LINC00305: variants seen among roughly 807,000 people sequenced by gnomAD.
LINC00305 encodes long independently transcribed non-coding RNA 305.
At chr18:64,113,424 C>T (rs560510503) in intron 1 of LINC00305, among the ~76,000 whole-genome samples, 1 of 152,288 alleles carries the variant, frequency 6.6e-6, no homozygotes, top group East Asian at 1.9e-4. Flanking sequence ...TAATTATTTT[C>T]CTTGATTTGA....
At chr18:64,133,410 C>G (rs980786171) in intron 1 of LINC00305, among the ~76,000 whole-genome samples, 2 of 152,190 alleles carry the variant, frequency 1.3e-5, no homozygotes, top group African/African-American at 2.4e-5. Flanking sequence ...GAGAAAGACT[C>G]TACCTCCAGA....
At chr18:64,094,887 T>TAAATAAATAAATAAAAAAA (rs780361977) in intron 3 of LINC00305, among the ~76,000 whole-genome samples, 17 of 114,640 alleles carry the variant, frequency 1.5e-4, no homozygotes, top group Non-Finnish European at 2.5e-4. Context: ...AAATAAATAA[T>TAAATAAATAAATAAAAAAA]AAAATAAAAT....
intron 1 of LINC00305, among the ~76,000 whole-genome samples, chr18:64,126,120 C>G (rs924477491): frequency 2.0e-5 from 3 of 152,032 alleles, no homozygotes; most frequent in Non-Finnish European, 4.4e-5. Context: ...TATTTTGTTA[C>G]CGCAGCACAA....
intron 1 of LINC00305, among the ~76,000 whole-genome samples, chr18:64,116,333 A>G (rs1419187937): frequency 6.6e-6 from 1 of 152,228 alleles, no homozygotes; most frequent in East Asian, 1.9e-4. Flanking sequence ...TCCTCCTAGC[A>G]TGACAAAAAG....
intron 1 of LINC00305, among the ~76,000 whole-genome samples, chr18:64,137,063 T>C (rs565824705): frequency 6.6e-6 from 1 of 152,336 alleles, no homozygotes; most frequent in East Asian, 1.9e-4. Context: ...CAAGTTAAAA[T>C]GCAATCCTAT....
chr18:64,097,788 T>C (rs1310229896), intron 3 of LINC00305: 1 of 443,838 alleles, frequency 2.3e-6, no homozygotes, highest in Non-Finnish European at 4.6e-6. Context: ...AACATTCCTT[T>C]ATAATAACTT....
chr18:64,132,882 T>C (rs1222478260), intron 1 of LINC00305, among the ~76,000 whole-genome samples: 1 of 152,134 alleles, frequency 6.6e-6, no homozygotes, highest in Admixed American at 6.5e-5. Context: ...GGTGACACCA[T>C]CCCAGCATGA....
chr18:64,132,541 T>C (rs1244381510), intron 1 of LINC00305, among the ~76,000 whole-genome samples: 1 of 152,206 alleles, frequency 6.6e-6, no homozygotes, highest in African/African-American at 2.4e-5. Context: ...ATACCATAAT[T>C]GTATTCACCC....
chr18:64,083,848 G>A (rs1446106357), intron 3 of LINC00305, among the ~76,000 whole-genome samples: 2 of 152,134 alleles, frequency 1.3e-5, no homozygotes, highest in Admixed American at 6.5e-5. Flanking sequence ...GATTTGTTAG[G>A]ATTTGTATTT....
At chr18:64,115,458 G>A (rs765654902) in intron 1 of LINC00305, among the ~76,000 whole-genome samples, 2 of 152,148 alleles carry the variant, frequency 1.3e-5, no homozygotes, top group Non-Finnish European at 2.9e-5. Context: ...TGATTTGCAG[G>A]TGCATTTGTG....
At chr18:64,137,148 A>C (rs1028185449) in intron 1 of LINC00305, among the ~76,000 whole-genome samples, 1 of 152,166 alleles carries the variant, frequency 6.6e-6, no homozygotes, top group African/African-American at 2.4e-5. Flanking sequence ...ACACACAGAC[A>C]CAACAAGAGC....
At chr18:64,135,875 G>A (rs775709666) in intron 1 of LINC00305, among the ~76,000 whole-genome samples, 3 of 152,142 alleles carry the variant, frequency 2.0e-5, no homozygotes, top group African/African-American at 7.2e-5. Context: ...CACTGTGCCT[G>A]GCCTATTTTC....
At chr18:64,141,815 A>G (rs2051464965) in intron 1 of LINC00305, among the ~76,000 whole-genome samples, 1 of 152,230 alleles carries the variant, frequency 6.6e-6, no homozygotes, top group South Asian at 2.1e-4. Flanking sequence ...CGCATATGAA[A>G]CAATGTACTT....
At chr18:64,143,599 T>A (rs2051477917) in intron 1 of LINC00305, among the ~76,000 whole-genome samples, 1 of 92,028 alleles carries the variant, frequency 1.1e-5, no homozygotes. Flanking sequence ...TGTACACATA[T>A]GTATATGTAC....
chr18:64,145,268 G>A (rs1251446981), intron 1 of LINC00305, among the ~76,000 whole-genome samples: 1 of 152,152 alleles, frequency 6.6e-6, no homozygotes, highest in East Asian at 1.9e-4. Flanking sequence ...ACCTACAAAT[G>A]TACTGTACTT....
At chr18:64,090,272 G>A (rs1314760402) in intron 3 of LINC00305, among the ~76,000 whole-genome samples, 2 of 152,172 alleles carry the variant, frequency 1.3e-5, no homozygotes, top group Non-Finnish European at 2.9e-5. Context: ...TAGTTGCCAA[G>A]CACAGAATAA....
At chr18:64,081,123 TA>T (rs1248940038) in intron 3 of LINC00305, among the ~76,000 whole-genome samples, 2 of 152,244 alleles carry the variant, frequency 1.3e-5, no homozygotes, top group East Asian at 3.8e-4. Flanking sequence ...TGAGTTGTTT[TA>T]TTTTTTCCTG....
intron 3 of LINC00305, among the ~76,000 whole-genome samples, chr18:64,091,048 C>A (rs2051223002): frequency 6.6e-6 from 1 of 152,138 alleles, no homozygotes. Flanking sequence ...CCTGTCTTTC[C>A]CTTTTCTACT....
At chr18:64,134,219 C>A (rs938509519) in intron 1 of LINC00305, among the ~76,000 whole-genome samples, 17 of 152,040 alleles carry the variant, frequency 1.1e-4, no homozygotes, top group African/African-American at 3.9e-4. Flanking sequence ...TATATGGAAA[C>A]CCTGGCAAAC....
Sources: allele counts gnomAD v4.1 joint callset (sites outside exome capture counted in the v4.1 genomes callset), GRCh38; gene constraint gnomAD v4.1.1; transcripts MANE v1.5; gene names NCBI Gene and HGNC (gene_info 2026-07-23, HGNC 2026-07-21).